SRC: variants seen among roughly 807,000 people sequenced by gnomAD.
The protein encoded by SRC is SRC proto-oncogene, non-receptor tyrosine kinase, also known as proto-oncogene tyrosine-protein kinase Src.
In SRC, 13 loss-of-function variants were observed where a neutral mutation model predicts 62.9. That is an observed-to-expected ratio of 0.21 (90% confidence interval 0.13 to 0.33). The LOEUF (loss-of-function observed/expected upper bound fraction) is 0.33. Ranked by LOEUF, SRC falls within the 10% of genes least tolerant of loss-of-function variation. The probability of loss-of-function intolerance (pLI) is 1.00; values close to 1 mark genes in which losing one functional copy is unlikely to be tolerated. For missense variants in SRC, 457 were observed against 737.3 expected, an observed-to-expected ratio of 0.62 and a Z score of 4.40; for synonymous variants, 302 against 317.5, an observed-to-expected ratio of 0.95 and a Z score of 0.52.
rs2069976814 is a variant in SRC at position 37,361,834 on chromosome 20, T to TGCCGGGGTCTCTGTGTGCAG, written c.-246-3369_-246-3368insCCGGGGTCTCTGTGTGCAGG. On this transcript the variant is annotated intron_variant, in intron 1 of 13. Coordinates refer to ENST00000373578, the MANE Select transcript of SRC (RefSeq NM_198291.3). The stretch of plus-strand genomic sequence containing the variant: ...CGGGGTCTCTGTGTGCAGGTAGAGA[T>TGCCGGGGTCTCTGTGTGCAG]GTAGAGATGCCGGGGTCTCTGTGTG... Among the ~76,000 whole-genome samples the TGCCGGGGTCTCTGTGTGCAG allele has an allele frequency of 1.1e-4, 4 of 35,534 alleles. 1 individual carries two copies. Among genetic ancestry groups the TGCCGGGGTCTCTGTGTGCAG allele is most frequent in the African/African-American group, 1.0e-3 (3 of 2,876 alleles). The allele number at this position is 35,534 out of a possible 152,430, so 23.3% of individuals were successfully genotyped here. A position where few individuals can be genotyped will look rare whatever the true frequency, so the allele number is the denominator to read the frequency against.
chr20:37,348,291 A>AG (rs953094959), intron 1 of SRC, among the ~76,000 whole-genome samples: 1 of 151,566 alleles, frequency 6.6e-6, no homozygotes, highest in African/African-American at 2.4e-5. Context: ...GATTGTGACC[A>AG]GGGGGGTGGG....
intron 5 of SRC, among the ~76,000 whole-genome samples, chr20:37,388,773 G>T (rs951287574): frequency 6.6e-6 from 1 of 151,358 alleles, no homozygotes; most frequent in Non-Finnish European, 1.5e-5. Flanking sequence ...GGAGGGAGGT[G>T]TAGGTGGGGG....
At chr20:37,388,151 A>T (rs577911411) in intron 5 of SRC, among the ~76,000 whole-genome samples, 1 of 152,306 alleles carries the variant, frequency 6.6e-6, no homozygotes, top group South Asian at 2.1e-4. Flanking sequence ...GACTGGGGTG[A>T]CAGCTGGGGC....
intron 1 of SRC, among the ~76,000 whole-genome samples, chr20:37,363,628 C>T (rs1264200670): frequency 2.6e-5 from 4 of 152,176 alleles, no homozygotes; most frequent in South Asian, 2.1e-4. Context: ...GAACCCCGGG[C>T]GGGAGGATGT....
At chr20:37,348,171 A>G (rs1292828445) in intron 1 of SRC, among the ~76,000 whole-genome samples, 2 of 152,116 alleles carry the variant, frequency 1.3e-5, no homozygotes, top group African/African-American at 4.8e-5. Flanking sequence ...GGCTTAGCTT[A>G]GGCCCCTCTC....
chr20:37,383,898 A>ATTT (rs59004959), intron 3 of SRC, among the ~76,000 whole-genome samples: 1 of 139,734 alleles, frequency 7.2e-6, no homozygotes, highest in African/African-American at 2.7e-5. Flanking sequence ...TGCCCGGCTA[A>ATTT]TTTTTTTTTT....
intron 2 of SRC, among the ~76,000 whole-genome samples, chr20:37,373,224 G>A (rs140873146): frequency 4.8e-5 from 7 of 145,832 alleles, no homozygotes; most frequent in African/African-American, 1.3e-4. Context: ...ATGTACATAC[G>A]TACACACATG....
Position 37,400,116 on chromosome 20 carries a change from G to T in SRC, c.861G>T (p.Gly287=). The change falls in exon 10 of 14, where the codon GGG becomes GGT. Residue 287 remains glycine (G), a splice_region_variant and synonymous_variant. Coordinates refer to ENST00000373578, the MANE Select transcript of SRC (RefSeq NM_198291.3). Reference sequence around the variant, plus strand: ...TCAGCCTGCATCCCTCCTCAACAGGGACCTGGAACGGTACCACCAGGGTGG... The same window carrying T: ...TCAGCCTGCATCCCTCCTCAACAGGTACCTGGAACGGTACCACCAGGGTGG... The part of the protein sequence containing the change: ...GQGCFGEVWM[G]TWNGTTRVAI... 2 of 1,604,540 alleles carry T rather than the reference G, an allele frequency of 1.2e-6. No homozygotes were observed. The highest frequency in any genetic ancestry group is 2.2e-5 in the South Asian group (2 of 90,118).
At chr20:37,370,090 A>G (rs1418713605) in intron 2 of SRC, among the ~76,000 whole-genome samples, 2 of 152,164 alleles carry the variant, frequency 1.3e-5, no homozygotes, top group Non-Finnish European at 2.9e-5. Context: ...GTGAGCCACC[A>G]CACCCGGCCT....
At position 37,396,196 on chromosome 20, in the gene SRC, C is replaced by T. The variant is rs140451827; in HGVS notation, c.588C>T (p.Asn196=). 1,810 of 1,613,904 alleles carry T rather than the reference C, an allele frequency of 1.1e-3. 1 individual carries two copies. The highest frequency in any genetic ancestry group is 2.3e-3 in the South Asian group (211 of 91,082). ...AYCLSVSDFD[N]AKGLNVKHYK... ...GCCTCTCAGTGTCTGACTTCGACAACGCCAAGGGCCTCAACGTGAAGCACT... is the reference window on the plus strand; with the variant it reads ...GCCTCTCAGTGTCTGACTTCGACAATGCCAAGGGCCTCAACGTGAAGCACT... Residue 196 remains asparagine, a synonymous_variant, in exon 8 of 14, where the codon AAC becomes AAT. Transcript: ENST00000373578. This position sits in a 1 kb window ranked among gnomAD's most constrained non-coding sequence, Gnocchi z 6.1.
intron 2 of SRC, among the ~76,000 whole-genome samples, chr20:37,379,821 G>A (rs553784609): frequency 6.5e-4 from 98 of 150,064 alleles, no homozygotes; most frequent in Non-Finnish European, 4.0e-4. Context: ...GCTGGAACCC[G>A]GGAGGCGGAG....
intron 5 of SRC, among the ~76,000 whole-genome samples, chr20:37,392,722 G>T (rs1393583898): frequency 6.6e-6 from 1 of 152,004 alleles, no homozygotes; most frequent in Non-Finnish European, 1.5e-5. Flanking sequence ...AGAGGGGCTG[G>T]ACCCTAGTTC....
chr20:37,360,763 T>C (rs995458286), intron 1 of SRC, among the ~76,000 whole-genome samples: 1 of 152,160 alleles, frequency 6.6e-6, no homozygotes, highest in South Asian at 2.1e-4. Flanking sequence ...AGCAAACACT[T>C]AGGGCACACT....
intron 1 of SRC, among the ~76,000 whole-genome samples, chr20:37,357,390 G>A (rs2069899231): frequency 1.3e-5 from 2 of 152,150 alleles, no homozygotes; most frequent in African/African-American, 4.8e-5. Context: ...CCTACTGTGG[G>A]TGCCCTGCTT....
intron 2 of SRC, among the ~76,000 whole-genome samples, chr20:37,375,892 C>T (rs752893131): frequency 4.6e-5 from 7 of 152,338 alleles, no homozygotes; most frequent in Middle Eastern, 3.4e-3. Flanking sequence ...GGTTTGCAAA[C>T]GGCCACCTTC....
Position 37,402,364 on chromosome 20 carries a change from C to T in SRC, c.1117-71C>T. 1.3e-6 allele frequency: 2 copies of T among 1,567,774 alleles called. No homozygotes were observed. The highest frequency in any genetic ancestry group is 1.7e-6 in the Non-Finnish European group (2 of 1,155,490). Reference sequence around the variant, plus strand: ...GGGAAGGGGTGGTTGGCTCTCCAGCCCCAGAGTGCTCTGTGGCCCTGGGAG... The same window carrying T: ...GGGAAGGGGTGGTTGGCTCTCCAGCTCCAGAGTGCTCTGTGGCCCTGGGAG... On this transcript the variant is annotated intron_variant, in intron 11 of 13. Coordinates refer to ENST00000373578, the MANE Select transcript of SRC (RefSeq NM_198291.3). The surrounding 1 kb of genome is among the most constrained non-coding windows in gnomAD (Gnocchi z 6.2).
upstream of SRC, chr20:37,346,092 C>A: frequency 6.5e-6 from 1 of 154,228 alleles, no homozygotes; most frequent in South Asian, 1.8e-4. Context: ...GCCTCCTCCT[C>A]CTCCTCCTCC....
intron 1 of SRC, among the ~76,000 whole-genome samples, chr20:37,355,879 G>C (rs2069875513): frequency 6.6e-6 from 1 of 152,182 alleles, no homozygotes; most frequent in African/African-American, 2.4e-5. Flanking sequence ...GGTACAAGGG[G>C]GTTAGAAGGT....
chr20:37,383,411 A>G (rs2070393712), intron 3 of SRC, among the ~76,000 whole-genome samples: 1 of 152,098 alleles, frequency 6.6e-6, no homozygotes, highest in Non-Finnish European at 1.5e-5. Flanking sequence ...ACCTTTCCCC[A>G]GCGTTAGGCA....
Sources: allele counts gnomAD v4.1 joint callset (sites outside exome capture counted in the v4.1 genomes callset), GRCh38; gene constraint gnomAD v4.1.1; non-coding constraint Gnocchi (gnomAD v3.1); transcripts MANE v1.5; gene names NCBI Gene and HGNC (gene_info 2026-07-23, HGNC 2026-07-21).